The following HECTD2 variants were observed in gnomAD, a reference collection of about 807,000 sequenced individuals.
HECTD2 encodes the protein HECT domain E3 ubiquitin protein ligase 2.
HECTD2 carries 35 observed loss-of-function variants against 103.2 expected under a neutral mutation model. The observed-to-expected ratio is 0.34, with a 90% CI of 0.26 to 0.45. HECTD2 has a LOEUF of 0.45. Among genes scored for constraint, HECTD2 ranks in the 20% least tolerant of loss-of-function variants. The pLI is 1.00. For synonymous variants in HECTD2, 281 were observed against 329.9 expected, an observed-to-expected ratio of 0.85 and a Z score of 1.61; for missense variants, 596 against 937.4, an observed-to-expected ratio of 0.64 and a Z score of 4.76.
chr10:91,455,122 C>T (rs543324722), intron 2 of HECTD2, among the ~76,000 whole-genome samples: 41 of 152,224 alleles, frequency 2.7e-4, no homozygotes, highest in African/African-American at 9.1e-4. Context: ...ATTTCTAGTT[C>T]GAGATCCTTG....
intron 2 of HECTD2, among the ~76,000 whole-genome samples, chr10:91,427,521 T>C (rs1051508470): frequency 6.6e-6 from 1 of 152,190 alleles, no homozygotes; most frequent in Non-Finnish European, 1.5e-5. Context: ...TGTTGTTTCC[T>C]GACTTTTTAA....
In HECTD2 at chr10:91,501,268, G is replaced by C; in HGVS notation, c.2144G>C (p.Arg715Thr). Residue 715 changes from arginine to threonine, a missense_variant, in exon 20 of 21, where the codon AGA (arginine) becomes ACA (threonine). By Grantham distance (71) the Arg-to-Thr change is moderately conservative. Around this residue, in one of 4 missense-constraint regions of HECTD2, gnomAD observed 69 missense variants for 153.8 expected, o/e 0.45. Transcript: ENST00000298068. ...CTACATTTTACTACAGGGAGTGACAGAGTACCTGTAGGAGGGATGGCTGAT... is the reference window on the plus strand; with the variant it reads ...CTACATTTTACTACAGGGAGTGACACAGTACCTGTAGGAGGGATGGCTGAT... Reference protein sequence around the residue: ...KLLHFTTGSDRVPVGGMADLN... With the variant: ...KLLHFTTGSDTVPVGGMADLN... 1 of 1,603,270 alleles carries C rather than the reference G, an allele frequency of 6.2e-7. No individual in the cohort carries two copies. Among genetic ancestry groups the C allele is most frequent in the Non-Finnish European group, 8.5e-7 (1 of 1,171,000 alleles).
At chr10:91,486,072 G>A (rs1846256223) in intron 10 of HECTD2, 3 of 152,112 alleles carry the variant, frequency 2.0e-5, no homozygotes. Flanking sequence ...ATGTTCAGGA[G>A]ATTGCATTTA....
At chr10:91,497,166 G>A (rs1048009125) in intron 15 of HECTD2, among the ~76,000 whole-genome samples, 1 of 145,864 alleles carries the variant, frequency 6.9e-6, no homozygotes. Context: ...AGCAGAGACG[G>A]GGTTTTGCCA....
chr10:91,514,079 T>C lies in HECTD2; in HGVS notation c.*1695T>C, dbSNP rs1463587616. On this transcript the variant is annotated 3_prime_UTR_variant, in exon 21 of 21. Coordinates refer to ENST00000298068, the MANE Select transcript of HECTD2 (RefSeq NM_182765.6). ...TAAAACTGCTTCTCTCTTACACTGC[T>C]TGAACTAGAAAATCAGCTTTTTAAT... The C allele has an allele frequency of 6.6e-6, 1 of 152,648 alleles. No homozygotes were observed. The highest frequency in any genetic ancestry group is 1.5e-5 in the Non-Finnish European group (1 of 68,050). 9.5% of individuals were successfully genotyped at this position (152,648 alleles called of 1,614,324 possible).
In HECTD2 at chr10:91,426,269, A is replaced by G. The variant is rs140781458; in HGVS notation, c.268+859A>G. On this transcript the variant is annotated intron_variant, in intron 2 of 20. Coordinates refer to ENST00000298068, the MANE Select transcript of HECTD2 (RefSeq NM_182765.6). The stretch of plus-strand genomic sequence containing the variant: ...TATCACGGGAAATGTACATTACTTA[A>G]ATACTTCTAAGTGCCACTCACTTTG... 2.4e-3 allele frequency among the ~76,000 whole-genome samples: 369 copies of G among 152,090 alleles called. 3 individuals carry two copies. The highest frequency in any genetic ancestry group is 8.6e-3 in the African/African-American group (357 of 41,514).
At chr10:91,409,748 G>C (rs369694891), upstream of HECTD2, among the ~76,000 whole-genome samples, 823 of 152,256 alleles carry the variant, frequency 5.4e-3, 12 homozygotes, top group African/African-American at 0.019. Context: ...CGCAAGCTCC[G>C]GGCCGCCTCT....
rs905036626 is a variant in HECTD2, at chr10:91,461,238, T to C, written c.408-16T>C. 14 of 1,153,962 alleles carry C rather than the reference T, an allele frequency of 1.2e-5. No individual in the cohort carries two copies. The highest frequency in any genetic ancestry group is 1.6e-5 in the African/African-American group (1 of 61,412). 71.5% of individuals were successfully genotyped at this position (1,153,962 alleles called of 1,614,324 possible). A position where few individuals can be genotyped will look rare whatever the true frequency, so the allele number is the denominator to read the frequency against. On this transcript the variant is annotated splice_polypyrimidine_tract_variant and intron_variant, in intron 3 of 20. Transcript: ENST00000298068. ...TATTTCTATATGTATATACGGTTAA[T>C]GTGTTTTCATTTTAGGGAAGATGTA...
chr10:91,460,843 A>G (rs1336777067), intron 3 of HECTD2, among the ~76,000 whole-genome samples: 2 of 152,170 alleles, frequency 1.3e-5, no homozygotes, highest in African/African-American at 4.8e-5. Flanking sequence ...TAAATAATAG[A>G]CTGTTACCAT....
rs572713104 is a variant in HECTD2, at chr10:91,456,823, C to A, written c.269-3604C>A. On this transcript the variant is annotated intron_variant, in intron 2 of 20. Transcript: ENST00000298068. The stretch of plus-strand genomic sequence containing the variant: ...CGTAGGAAAAGAAGAGAAAATCAAC[C>A]GAAAGCAAGCAGGAAGGAGGAAATA... Among the ~76,000 whole-genome samples, 5 of 151,896 alleles carry A rather than the reference C, an allele frequency of 3.3e-5. No individual in the cohort carries two copies. In the East Asian group the frequency reaches 9.7e-4, roughly 29 times the overall value.
Position 91,425,436 on chromosome 10 carries a change from G to A in HECTD2, c.268+26G>A, listed in dbSNP as rs372232483. The A allele has an allele frequency of 4.0e-5, 57 of 1,417,380 alleles. No individual in the cohort carries two copies. The African/African-American group carries it at 7.0e-4, about 18-fold the overall frequency. The allele number at this position is 1,417,380 out of a possible 1,614,324, so 87.8% of individuals were successfully genotyped here. On this transcript the variant is annotated intron_variant, in intron 2 of 20. Coordinates refer to ENST00000298068, the MANE Select transcript of HECTD2 (RefSeq NM_182765.6). ...GTAAATAATTTTTAAATATATTTTG[G>A]CTAAAAGTATATTTTTAAATTATTT...
intron 2 of HECTD2, among the ~76,000 whole-genome samples, chr10:91,439,153 C>T (rs961628811): frequency 2.6e-5 from 4 of 152,142 alleles, no homozygotes; most frequent in Admixed American, 1.3e-4. Flanking sequence ...TCTGTGCCCA[C>T]GCCTATGTCC....
chr10:91,491,378 G>T, intron 12 of HECTD2, 71 bp downstream of exon 12: 3 of 741,346 alleles, frequency 4.0e-6, no homozygotes, highest in East Asian at 3.2e-5. Context: ...AAAAATCATA[G>T]TAAACTTTTT....
In HECTD2 at chr10:91,501,185, C is replaced by T; in HGVS notation, c.2067-6C>T. Reference sequence around the variant, plus strand: ...TTTGATGTTAATTTCCTTTGGTATTCTCTAGATACTTTTGGGATGTTGTGC... The same window carrying T: ...TTTGATGTTAATTTCCTTTGGTATTTTCTAGATACTTTTGGGATGTTGTGC... On this transcript the variant is annotated splice_region_variant and splice_polypyrimidine_tract_variant and intron_variant, in intron 19 of 20. Transcript: ENST00000298068. The T allele has an allele frequency of 6.2e-7, 1 of 1,604,556 alleles. No homozygotes were observed. The highest frequency in any genetic ancestry group is 1.1e-5 in the South Asian group (1 of 89,124).
At chr10:91,434,965 A>G (rs1246468892) in intron 2 of HECTD2, among the ~76,000 whole-genome samples, 1 of 152,036 alleles carries the variant, frequency 6.6e-6, no homozygotes, top group Non-Finnish European at 1.5e-5. Flanking sequence ...ATGACAATGT[A>G]TGTAGATGAG....
Position 91,485,251 on chromosome 10 carries a change from A to G in HECTD2, c.1042A>G (p.Ile348Val). ...TTTCTATAATTCTACATTGGATCAC[A>G]TTGATCTCATGGAAGAATATCATAC... ...TDFYNSTLDH[I>V]DLMEEYHTWQ... The change falls in exon 10 of 21, where the codon ATT becomes GTT. Residue 348 changes from isoleucine (I) to valine (V), a missense_variant. Coordinates refer to ENST00000298068, the MANE Select transcript of HECTD2 (RefSeq NM_182765.6). 2.5e-6 allele frequency: 4 copies of G among 1,593,646 alleles called. No individual in the cohort carries two copies. The highest frequency in any genetic ancestry group is 3.4e-6 in the Non-Finnish European group (4 of 1,169,750).
Position 91,493,504 on chromosome 10 carries a change from G to A in HECTD2, c.1517G>A (p.Gly506Glu). 6.6e-7 allele frequency: 1 copy of A among 1,518,290 alleles called. No homozygotes were observed. The allele number at this position is 1,518,290 out of a possible 1,614,324, so 94.1% of individuals were successfully genotyped here. A position where few individuals can be genotyped will look rare whatever the true frequency, so the allele number is the denominator to read the frequency against. Reference protein sequence around the residue: ...CDNYSEFRLVGILMGLAVYNS... With the variant: ...CDNYSEFRLVEILMGLAVYNS... The stretch of plus-strand genomic sequence containing the variant: ...AACTATTCTGAATTCCGATTGGTTG[G>A]AATTGTATCCTTTAAACTTTCCACT... The change falls in exon 14 of 21, where the codon GGA (glycine) becomes GAA (glutamate). Residue 506 changes from glycine (G) to glutamate (E), a missense_variant. By Grantham distance (98) the Gly-to-Glu change is moderately conservative. Coordinates refer to ENST00000298068, the MANE Select transcript of HECTD2 (RefSeq NM_182765.6).
intron 2 of HECTD2, among the ~76,000 whole-genome samples, chr10:91,457,388 C>T (rs972763062): frequency 6.6e-6 from 1 of 151,864 alleles, no homozygotes; most frequent in African/African-American, 2.4e-5. Flanking sequence ...ACCAATATCC[C>T]TCATGAATAT....
intron 1 of HECTD2, among the ~76,000 whole-genome samples, chr10:91,414,470 G>C (rs925672483): frequency 5.9e-5 from 9 of 152,202 alleles, no homozygotes; most frequent in Admixed American, 2.0e-4. Flanking sequence ...CTTTGTGCTA[G>C]GTGCTACAAA....
Sources: allele counts gnomAD v4.1 joint callset (sites outside exome capture counted in the v4.1 genomes callset), GRCh38; gene constraint gnomAD v4.1.1; regional missense constraint gnomAD v4.1.1; transcripts MANE v1.5; gene names NCBI Gene and HGNC (gene_info 2026-07-23, HGNC 2026-07-21).